Variants in CNTN4 observed in about 807,000 individuals in gnomAD.
CNTN4 encodes the protein contactin-4.
In CNTN4, 77 loss-of-function variants were observed where a neutral mutation model predicts 122.5. That is an observed-to-expected ratio of 0.63 (90% CI 0.52 to 0.76). CNTN4 has a LOEUF of 0.76. Ranked by LOEUF, CNTN4 falls within the 30% of genes least tolerant of loss-of-function variation. CNTN4 has a pLI of 0.00. For missense variants in CNTN4, 1,256 were observed against 1,259.1 expected, an observed-to-expected ratio of 1.00 and a Z score of 0.04; for synonymous variants, 512 against 447.0, an observed-to-expected ratio of 1.15 and a Z score of -1.83.
intron 13 of CNTN4, among the ~76,000 whole-genome samples, chr3:2,939,846 A>G (rs1299486149): frequency 1.3e-5 from 2 of 152,238 alleles, no homozygotes; most frequent in African/African-American, 2.4e-5. Flanking sequence ...CAAGGGCTCA[A>G]AAGAGTGGAT....
intron 3 of CNTN4, among the ~76,000 whole-genome samples, chr3:2,351,980 G>C (rs1161255529): frequency 1.3e-5 from 2 of 152,058 alleles, no homozygotes; most frequent in East Asian, 3.9e-4. Context: ...ACAAAATAGA[G>C]GTGAGGTGAT....
chr3:2,663,809 G>A (rs2084018567), intron 4 of CNTN4, among the ~76,000 whole-genome samples: 1 of 152,112 alleles, frequency 6.6e-6, no homozygotes, highest in African/African-American at 2.4e-5. Context: ...ATACTATTCA[G>A]CAATAATAGG....
chr3:2,952,318 G>A lies in CNTN4; in HGVS notation c.1358+26539G>A, dbSNP rs563087420. Among the ~76,000 whole-genome samples, 141 of 152,288 alleles carry A rather than the reference G, an allele frequency of 9.3e-4. 1 individual carries two copies. Among genetic ancestry groups the A allele is most frequent in the South Asian group, 5.2e-3 (25 of 4,820 alleles). ...GAGGTAACTACAGTACCATAAAAAG[G>A]ACTAGATTTGGGGAATGGCATCAGA... On this transcript the variant is annotated intron_variant, in intron 13 of 24. Transcript: ENST00000418658.
chr3:2,781,836 T>C (rs183335309), intron 6 of CNTN4, among the ~76,000 whole-genome samples: 4,930 of 126,472 alleles, frequency 0.039, 487 homozygotes, highest in African/African-American at 0.093. Flanking sequence ...GCCATTCTCC[T>C]GCCTCAGCCT....
rs550069626 is a variant in CNTN4, at chr3:2,245,993, C to T, written c.-144-93185C>T. Reference sequence around the variant, plus strand: ...CTGTGTGCACACATGCGTGCTCTACCTTACACTCTCACATTCTCACACTGT... The same window carrying T: ...CTGTGTGCACACATGCGTGCTCTACTTTACACTCTCACATTCTCACACTGT... On this transcript the variant is annotated intron_variant, in intron 2 of 24. Coordinates refer to ENST00000418658, the MANE Select transcript of CNTN4 (RefSeq NM_175607.3). Among the ~76,000 whole-genome samples the T allele has an allele frequency of 2.0e-5, 3 of 152,052 alleles. No homozygotes were observed. The South Asian group carries it at 6.2e-4, about 31-fold the overall frequency.
chr3:2,657,970 G>GC (rs541837812), intron 4 of CNTN4, among the ~76,000 whole-genome samples: 2 of 150,444 alleles, frequency 1.3e-5, no homozygotes, highest in Non-Finnish European at 2.9e-5. Flanking sequence ...GGTAACTGAA[G>GC]CCATGAGGAT....
At chr3:2,169,906 G>T (rs2036393544) in intron 2 of CNTN4, among the ~76,000 whole-genome samples, 1 of 152,186 alleles carries the variant, frequency 6.6e-6, no homozygotes, top group Non-Finnish European at 1.5e-5. Context: ...ACTATTTTCA[G>T]ATTGTATATG....
At chr3:2,738,528 A>C (rs796452816) in intron 5 of CNTN4, among the ~76,000 whole-genome samples, 1 of 152,208 alleles carries the variant, frequency 6.6e-6, no homozygotes, top group South Asian at 2.1e-4. Flanking sequence ...GAGCTGAGCT[A>C]CAAGAATAAA....
intron 6 of CNTN4, among the ~76,000 whole-genome samples, chr3:2,807,849 C>G (rs534896675): frequency 6.6e-6 from 1 of 152,280 alleles, no homozygotes; most frequent in Admixed American, 6.5e-5. Flanking sequence ...ACATCTGCCT[C>G]TCCTTGTAAA....
At chr3:3,043,743 T>C in intron 23 of CNTN4, 39 bp downstream of exon 23, 1 of 1,304,764 alleles carries the variant, frequency 7.7e-7, no homozygotes, top group South Asian at 1.2e-5. Context: ...CTAATCGTGC[T>C]GTGAGTGGGG....
intron 7 of CNTN4, among the ~76,000 whole-genome samples, chr3:2,821,805 G>GT (rs2092881644): frequency 6.6e-6 from 1 of 152,182 alleles, no homozygotes; most frequent in Non-Finnish European, 1.5e-5. Context: ...CCAGGCTGAA[G>GT]TTTAGTTCAA....
chr3:2,910,353 A>G (rs2094286845), intron 12 of CNTN4, among the ~76,000 whole-genome samples: 1 of 152,222 alleles, frequency 6.6e-6, no homozygotes, highest in Admixed American at 6.5e-5. Context: ...TATAACCAAA[A>G]TATCTGAATC....
intron 13 of CNTN4, among the ~76,000 whole-genome samples, chr3:2,953,496 T>C (rs1279287249): frequency 6.6e-6 from 1 of 151,888 alleles, no homozygotes; most frequent in Non-Finnish European, 1.5e-5. Flanking sequence ...TCCTCCTCCA[T>C]TCTACAACTT....
At chr3:2,892,093 T>A (rs1265697046) in intron 10 of CNTN4, 1 of 152,214 alleles carries the variant, frequency 6.6e-6, no homozygotes, top group Non-Finnish European at 1.5e-5. Context: ...TTAAAGTAAT[T>A]GATTTAAGTT....
At chr3:2,480,023 C>T (rs1268082358) in intron 3 of CNTN4, among the ~76,000 whole-genome samples, 1 of 152,060 alleles carries the variant, frequency 6.6e-6, no homozygotes. Context: ...AAAAATTAGA[C>T]AGTTATATCA....
At chr3:2,728,859 A>G (rs2088432414) in intron 4 of CNTN4, among the ~76,000 whole-genome samples, 1 of 152,196 alleles carries the variant, frequency 6.6e-6, no homozygotes, top group East Asian at 1.9e-4. Context: ...TTTCTACCCA[A>G]GACCAGGTGT....
At chr3:2,102,358 A>G (rs79598467) in intron 2 of CNTN4, among the ~76,000 whole-genome samples, 10,699 of 152,250 alleles carry the variant, frequency 0.07, 569 homozygotes, top group African/African-American at 0.15. Context: ...TTCTTTAGGT[A>G]TAAAATTGGG....
At chr3:2,878,551 C>CTGTGTGTGTGTGTGTG (rs1256548850) in intron 8 of CNTN4, among the ~76,000 whole-genome samples, 9 of 64,854 alleles carry the variant, frequency 1.4e-4, no homozygotes, top group Non-Finnish European at 2.3e-4. Flanking sequence ...AAGAGATGCT[C>CTGTGTGTGTGTGTGTG]TCTGTGTGTG....
chr3:2,679,606 T>C (rs1188040864), intron 4 of CNTN4, among the ~76,000 whole-genome samples: 2 of 152,172 alleles, frequency 1.3e-5, no homozygotes. Context: ...TTTGTATGTA[T>C]GGGATTATAC....
Sources: gnomAD v4.1 joint callset for allele counts (sites outside exome capture counted in the v4.1 genomes callset) on GRCh38, gnomAD v4.1.1 for gene constraint, MANE v1.5 for transcripts, NCBI Gene and HGNC (gene_info 2026-07-23, HGNC 2026-07-21) for gene names.